The following USP36 variants were observed in gnomAD, a reference collection of about 807,000 sequenced individuals.
USP36 encodes the protein ubiquitin specific peptidase 36, also known as ubiquitin carboxyl-terminal hydrolase 36.
USP36 carries 59 observed loss-of-function variants against 111.5 expected under a neutral mutation model. The ratio of observed to expected loss-of-function variants is 0.53; its 90% CI spans 0.43 to 0.66. The LOEUF (loss-of-function observed/expected upper bound fraction) is 0.66. USP36 is among the 30% of genes least tolerant of loss of function. The probability of loss-of-function intolerance (pLI) is 0.00; values close to 1 mark genes in which losing one functional copy is unlikely to be tolerated. For synonymous variants in USP36, 628 were observed against 581.0 expected (o/e 1.08, Z -1.16); for missense variants, 1,488 against 1,468.0 (o/e 1.01, Z -0.22).
intron 15 of USP36, among the ~76,000 whole-genome samples, chr17:78,804,626 A>T (rs542120041): frequency 6.7e-4 from 49 of 72,664 alleles, no homozygotes; most frequent in African/African-American, 2.8e-3. Context: ...CCTGAGATTT[A>T]AAAAAAAAAA....
Position 78,812,930 on chromosome 17 carries a change from G to T in USP36, c.1337C>A (p.Pro446Gln). The change falls in exon 13 of 21, where the codon CCG (proline) becomes CAG (glutamine). Residue 446 changes from proline (P) to glutamine (Q), a missense_variant. By Grantham distance (76) the Pro-to-Gln change is moderately conservative. Coordinates refer to ENST00000449938, the MANE Select transcript of USP36 (RefSeq NM_001385174.1). ...CTTGGAGTGATCTGGAATCACACTCGGGCGGCCGGGAAGGGAGGAGGAGCC... is the reference window on the plus strand; with the variant it reads ...CTTGGAGTGATCTGGAATCACACTCTGGCGGCCGGGAAGGGAGGAGGAGCC... ...RTGSSSLPGR[P>Q]SVIPDHSKKN... 1 of 1,613,946 alleles carries T rather than the reference G, an allele frequency of 6.2e-7. No individual in the cohort carries two copies. The highest frequency in any genetic ancestry group is 2.2e-5 in the East Asian group (1 of 44,862).
chr17:78,815,659 GAAGA>G (rs1567941168), intron 10 of USP36, among the ~76,000 whole-genome samples: 1 of 152,108 alleles, frequency 6.6e-6, no homozygotes, highest in African/African-American at 2.4e-5. Context: ...AACTGGATCA[GAAGA>G]AAGGTCATGC....
In USP36 at chr17:78,797,561, C is replaced by G. The variant is rs1234846942; in HGVS notation, c.*339G>C. On this transcript the variant is annotated 3_prime_UTR_variant, in exon 21 of 21. Coordinates refer to ENST00000449938, the MANE Select transcript of USP36 (RefSeq NM_001385174.1). ...CCCCCACTCTCCTGATAGCCCCAAC[C>G]AGGGGCAGCAGCCTCTGCCAGCACA... 1 of 152,360 alleles carries G rather than the reference C, an allele frequency of 6.6e-6. No individual in the cohort carries two copies. The highest frequency in any genetic ancestry group is 1.9e-4 in the East Asian group (1 of 5,206). The allele number at this position is 152,360 out of a possible 1,614,324, so 9.4% of individuals were successfully genotyped here. A position where few individuals can be genotyped will look rare whatever the true frequency, so the allele number is the denominator to read the frequency against.
rs368272699 is a variant in USP36 at position 78,807,511 on chromosome 17, C to T, written c.1533G>A (p.Ser511=). ...GGGAGAGTTTGGGGGAAGGGGACCC[C>T]GAGGGCAGCTTTGGAGGAATGCAGC... ...QNGCIPPKLP[S]GSPSPKLSQT... The change falls in exon 14 of 21, where the codon TCG becomes TCA. Residue 511 remains serine, a synonymous_variant. Coordinates refer to ENST00000449938, the MANE Select transcript of USP36 (RefSeq NM_001385174.1). The T allele has an allele frequency of 1.7e-5, 28 of 1,613,678 alleles. No homozygotes were observed. The highest frequency in any genetic ancestry group is 4.0e-5 in the African/African-American group (3 of 74,876).
In USP36 at chr17:78,838,760, G is replaced by T. The variant is rs1226533832; in HGVS notation, c.-173-10C>A. The stretch of plus-strand genomic sequence containing the variant: ...GAGCGGGCGTCAGAGCCTGTGGGAG[G>T]GACAGGGAGACCATCAGTGGAGGCG... On this transcript the variant is annotated splice_polypyrimidine_tract_variant and intron_variant, in intron 1 of 20. Coordinates refer to ENST00000449938, the MANE Select transcript of USP36 (RefSeq NM_001385174.1). The T allele has an allele frequency of 6.6e-6, 1 of 152,346 alleles. No individual in the cohort carries two copies. Among genetic ancestry groups the T allele is most frequent in the Non-Finnish European group, 1.5e-5 (1 of 68,100 alleles). The allele number at this position is 152,346 out of a possible 1,614,324, so 9.4% of individuals were successfully genotyped here. A position where few individuals can be genotyped will look rare whatever the true frequency, so the allele number is the denominator to read the frequency against.
intron 10 of USP36, among the ~76,000 whole-genome samples, chr17:78,815,856 T>C (rs1409905652): frequency 6.6e-6 from 1 of 151,996 alleles, no homozygotes; most frequent in East Asian, 1.9e-4. Context: ...CACATATGCA[T>C]GCATACACAT....
intron 13 of USP36, among the ~76,000 whole-genome samples, chr17:78,811,029 G>A (rs560913213): frequency 2.7e-5 from 4 of 150,466 alleles, no homozygotes; most frequent in South Asian, 2.1e-4. Context: ...CAGGAGAATC[G>A]CTTGAACCCA....
chr17:78,805,617 C>G (rs2093877122), intron 15 of USP36, among the ~76,000 whole-genome samples: 1 of 152,326 alleles, frequency 6.6e-6, no homozygotes. Context: ...CTAAGAGACG[C>G]AGGCAGCCCC....
chr17:78,836,479 G>A, intron 2 of USP36, 107 bp from the exon 3 acceptor site: 2 of 1,423,220 alleles, frequency 1.4e-6, no homozygotes, highest in Non-Finnish European at 1.9e-6. Flanking sequence ...CACCACAAAA[G>A]CTCCCCTGGA....
chr17:78,831,920 G>A (rs1004622148), intron 4 of USP36, among the ~76,000 whole-genome samples: 2 of 137,090 alleles, frequency 1.5e-5, no homozygotes, highest in Admixed American at 1.5e-4. Flanking sequence ...TCCAGCCTGC[G>A]TGACAGAGTG....
At chr17:78,830,823 A>G (rs1251508957) in intron 4 of USP36, among the ~76,000 whole-genome samples, 1 of 151,976 alleles carries the variant, frequency 6.6e-6, no homozygotes, top group Non-Finnish European at 1.5e-5. Flanking sequence ...GGTTTTTTTC[A>G]TTTTAGACTT....
At chr17:78,839,180 C>T (rs1461165686) in intron 1 of USP36, among the ~76,000 whole-genome samples, 6 of 152,254 alleles carry the variant, frequency 3.9e-5, no homozygotes, top group Admixed American at 6.5e-5. Context: ...TTACCATCTA[C>T]GATCACTATG....
At chr17:78,822,030 G>A in intron 6 of USP36, 26 bp from the exon 7 acceptor site, 1 of 1,613,878 alleles carries the variant, frequency 6.2e-7, no homozygotes, top group Non-Finnish European at 8.5e-7. Context: ...CAGCCTTTAA[G>A]GGAAGGGCTC....
chr17:78,788,943 T>G (rs1294802513), intron 3 of USP36, among the ~76,000 whole-genome samples: 5 of 152,064 alleles, frequency 3.3e-5, no homozygotes, highest in Non-Finnish European at 7.4e-5. Flanking sequence ...CTCACGCCTG[T>G]AATCCCAGCA....
chr17:78,802,182 G>A (rs969391398), intron 17 of USP36, 142 bp downstream of exon 17: 1 of 823,634 alleles, frequency 1.2e-6, no homozygotes, highest in Admixed American at 3.7e-5. Flanking sequence ...CTCGCCCGGT[G>A]CACACCCACG....
At position 78,798,411 on chromosome 17, in the gene USP36, G is replaced by A. The variant is rs1200509935; in HGVS notation, c.*9C>T. On this transcript the variant is annotated 3_prime_UTR_variant, in exon 20 of 21. Coordinates refer to ENST00000449938, the MANE Select transcript of USP36 (RefSeq NM_001385174.1). This position sits in a 1 kb window ranked among gnomAD's most constrained non-coding sequence, Gnocchi z 5.1. ...CCCTCGGAACCGACCTCCTTCCACA[G>A]GGGCACAGTCAGCGGCGATAGCTGA... 5.6e-6 allele frequency: 9 copies of A among 1,614,018 alleles called. No individual in the cohort carries two copies. Among genetic ancestry groups the A allele is most frequent in the Non-Finnish European group, 7.6e-6 (9 of 1,180,016 alleles).
intron 3 of USP36, among the ~76,000 whole-genome samples, chr17:78,788,178 T>A (rs1366502219): frequency 4.6e-5 from 7 of 152,162 alleles, no homozygotes; most frequent in Admixed American, 2.0e-4. Flanking sequence ...ATTTATTTTT[T>A]TTTTTGAGAC....
chr17:78,816,823 G>A (rs79959144), intron 10 of USP36, among the ~76,000 whole-genome samples: 2,829 of 152,092 alleles, frequency 0.019, 82 homozygotes, highest in African/African-American at 0.064. Context: ...GAAATGCATA[G>A]ATCTTCAGTA....
chr17:78,827,415 C>G, intron 5 of USP36, 68 bp from the exon 6 acceptor site: 1 of 1,479,990 alleles, frequency 6.8e-7, no homozygotes, highest in African/African-American at 1.4e-5. Flanking sequence ...GGCTGCTTTC[C>G]TGAATGGCCA....
Sources: gnomAD v4.1 joint callset for allele counts (sites outside exome capture counted in the v4.1 genomes callset) on GRCh38, gnomAD v4.1.1 for gene constraint, Gnocchi (gnomAD v3.1) non-coding constraint, MANE v1.5 for transcripts, NCBI Gene and HGNC (gene_info 2026-07-23, HGNC 2026-07-21) for gene names.